The following SLC35F4 variants were observed in gnomAD, a reference collection of about 807,000 sequenced individuals.
The protein encoded by SLC35F4 is chromosome 14 open reading frame 36.
Under a neutral mutation model 44.2 loss-of-function variants are expected in SLC35F4, and 24 were observed. The observed-to-expected ratio is 0.54, with a 90% CI of 0.39 to 0.76. The LOEUF is 0.76. Ranked by LOEUF, SLC35F4 falls within the 30% of genes least tolerant of loss-of-function variation. The pLI is 0.00. For missense variants in SLC35F4, 562 were observed against 586.1 expected, an observed-to-expected ratio of 0.96 and a Z score of 0.42; for synonymous variants, 238 against 223.6, an observed-to-expected ratio of 1.06 and a Z score of -0.57.
At chr14:57,914,599 C>T (rs2141053688) in intron 1 of SLC35F4, among the ~76,000 whole-genome samples, 1 of 152,152 alleles carries the variant, frequency 6.6e-6, no homozygotes, top group East Asian at 1.9e-4. Context: ...CTCTCAATAA[C>T]TAACCCACTC....
intron 1 of SLC35F4, among the ~76,000 whole-genome samples, chr14:57,753,940 A>C (rs1430304320): frequency 6.6e-6 from 1 of 151,954 alleles, no homozygotes; most frequent in East Asian, 1.9e-4. Context: ...TCTGTCCCCA[A>C]ATGGGACTGG....
chr14:57,813,442 A>G (rs1057127884), intron 1 of SLC35F4, among the ~76,000 whole-genome samples: 1 of 151,992 alleles, frequency 6.6e-6, no homozygotes, highest in African/African-American at 2.4e-5. Context: ...ATACAAAAAT[A>G]AGCCAGGCAT....
intron 1 of SLC35F4, among the ~76,000 whole-genome samples, chr14:57,770,549 A>T (rs903524095): frequency 6.6e-6 from 1 of 152,212 alleles, no homozygotes; most frequent in African/African-American, 2.4e-5. Flanking sequence ...GTGGAAAAAA[A>T]GACAAGGGCA....
At chr14:57,596,735 G>C in intron 1 of SLC35F4, 1 of 1,297,272 alleles carries the variant, frequency 7.7e-7, no homozygotes, top group Non-Finnish European at 1.0e-6. Flanking sequence ...GAATGTATAA[G>C]CCACACCAGT....
At chr14:57,712,412 T>A (rs1319645986) in intron 1 of SLC35F4, among the ~76,000 whole-genome samples, 1 of 152,238 alleles carries the variant, frequency 6.6e-6, no homozygotes, top group Non-Finnish European at 1.5e-5. Context: ...CAGGGAAATA[T>A]CCTGCTAGTG....
intron 1 of SLC35F4, among the ~76,000 whole-genome samples, chr14:57,836,138 C>G (rs984501527): frequency 6.6e-6 from 1 of 152,208 alleles, no homozygotes; most frequent in Non-Finnish European, 1.5e-5. Context: ...TGTTTTCCAG[C>G]AGCCAGTGTT....
intron 1 of SLC35F4, among the ~76,000 whole-genome samples, chr14:57,909,231 C>T (rs528944272): frequency 3.3e-5 from 5 of 152,232 alleles, no homozygotes; most frequent in Admixed American, 2.0e-4. Context: ...ACTATCAGCA[C>T]CCCACCCCAT....
intron 1 of SLC35F4, among the ~76,000 whole-genome samples, chr14:57,702,778 C>T (rs539184981): frequency 2.0e-5 from 3 of 152,084 alleles, no homozygotes; most frequent in Non-Finnish European, 4.4e-5. Flanking sequence ...ATGTTCCTTC[C>T]GTGAGCTGAT....
chr14:57,822,726 A>G (rs1566882481), intron 1 of SLC35F4, among the ~76,000 whole-genome samples: 1 of 152,156 alleles, frequency 6.6e-6, no homozygotes, highest in Admixed American at 6.5e-5. Flanking sequence ...CTGATTATCT[A>G]TTGCTGAATA....
intron 1 of SLC35F4, among the ~76,000 whole-genome samples, chr14:57,902,816 G>A (rs1889030401): frequency 6.6e-6 from 1 of 152,094 alleles, no homozygotes; most frequent in Admixed American, 6.6e-5. Context: ...TTCACATTTT[G>A]TGCCATCTGC....
chr14:57,673,689 G>T (rs1222269596), intron 1 of SLC35F4, among the ~76,000 whole-genome samples: 2 of 151,946 alleles, frequency 1.3e-5, no homozygotes, highest in African/African-American at 2.4e-5. Context: ...GTTTGGTGGG[G>T]GTGGGAGGAG....
intron 1 of SLC35F4, chr14:57,596,585 A>T: frequency 2.5e-6 from 1 of 399,900 alleles, no homozygotes; most frequent in Non-Finnish European, 5.0e-6. Context: ...CCAATATTCC[A>T]TTTCCAATCC....
intron 1 of SLC35F4, among the ~76,000 whole-genome samples, chr14:57,599,846 A>C (rs1196885100): frequency 6.7e-6 from 1 of 148,558 alleles, no homozygotes; most frequent in Non-Finnish European, 1.5e-5. Context: ...AAGGAGAGGG[A>C]GGAGAGGGTT....
upstream of SLC35F4, among the ~76,000 whole-genome samples, chr14:57,868,395 A>G (rs542486077): frequency 1.3e-4 from 20 of 152,330 alleles, no homozygotes; most frequent in Middle Eastern, 0.01. Context: ...CTCTTGGCAT[A>G]TATGATAAAA....
downstream of SLC35F4, among the ~76,000 whole-genome samples, chr14:57,976,440 T>C (rs975539919): frequency 1.3e-5 from 2 of 152,220 alleles, no homozygotes; most frequent in Non-Finnish European, 2.9e-5. Flanking sequence ...AGAGTCATTG[T>C]AACAGGAAGA....
In SLC35F4 at chr14:57,816,370, C is replaced by A. The variant is rs184473630; in HGVS notation, c.103+49353G>T. 1.2e-4 allele frequency among the ~76,000 whole-genome samples: 18 copies of A among 152,306 alleles called. No individual in the cohort carries two copies. In the East Asian group the frequency reaches 3.5e-3, roughly 29 times the overall value. On this transcript the variant is annotated intron_variant, in intron 1 of 7. Coordinates refer to ENST00000556826, the MANE Select transcript of SLC35F4 (RefSeq NM_001306087.2). ...CACCAACACAGGATCCACCCCCACT[C>A]TTTCAGCCCTCCCAGTCATGCAGAA...
At chr14:57,669,104 A>C (rs527651897) in intron 1 of SLC35F4, among the ~76,000 whole-genome samples, 1 of 152,142 alleles carries the variant, frequency 6.6e-6, no homozygotes, top group South Asian at 2.1e-4. Flanking sequence ...TGTGAATGGG[A>C]ATCCACTCAT....
chr14:57,594,834 C>T (rs1248759776), intron 1 of SLC35F4, among the ~76,000 whole-genome samples: 1 of 152,168 alleles, frequency 6.6e-6, no homozygotes, highest in African/African-American at 2.4e-5. Flanking sequence ...TCCGGTGTTA[C>T]AGATGAAAAT....
intron 4 of SLC35F4, among the ~76,000 whole-genome samples, chr14:57,577,161 T>G (rs1421618102): frequency 6.6e-6 from 1 of 152,170 alleles, no homozygotes; most frequent in African/African-American, 2.4e-5. Context: ...TTCTTAATAT[T>G]TAATATCAGC....
Sources: gnomAD v4.1 joint callset for allele counts (sites outside exome capture counted in the v4.1 genomes callset) on GRCh38, gnomAD v4.1.1 for gene constraint, MANE v1.5 for transcripts, NCBI Gene and HGNC (gene_info 2026-07-23, HGNC 2026-07-21) for gene names.